AP3S2: variants seen among roughly 807,000 people sequenced by gnomAD.
AP3S2 encodes the protein adaptor related protein complex 3 subunit sigma 2, also known as AP-3 complex subunit sigma-2.
In AP3S2, 22 loss-of-function variants were observed where a neutral mutation model predicts 23.4. The ratio of observed to expected loss-of-function variants is 0.94; its 90% CI spans 0.67 to 1.34. The LOEUF is 1.34. Ranked by LOEUF, AP3S2 falls within the 40% of genes most tolerant of loss-of-function variation. The probability of loss-of-function intolerance (pLI) is 0.00; values close to 1 mark genes in which losing one functional copy is unlikely to be tolerated. For missense variants in AP3S2, 241 were observed against 236.9 expected, an observed-to-expected ratio of 1.02 and a Z score of -0.11; for synonymous variants, 86 against 87.1, an observed-to-expected ratio of 0.99 and a Z score of 0.07.
intron 3 of AP3S2, among the ~76,000 whole-genome samples, chr15:89,885,495 C>G (rs1325591317): frequency 6.6e-6 from 1 of 152,104 alleles, no homozygotes; most frequent in Non-Finnish European, 1.5e-5. Flanking sequence ...GTGCCACTGC[C>G]CCAGGCCAGA....
In AP3S2 at chr15:89,832,584, G is replaced by A. The variant is rs967228130; in HGVS notation, c.*2931C>T. 2 of 150,296 alleles carry A rather than the reference G, an allele frequency of 1.3e-5. No homozygotes were observed. Among genetic ancestry groups the A allele is most frequent in the African/African-American group, 4.9e-5 (2 of 40,686 alleles). The allele number at this position is 150,296 out of a possible 1,614,324, so 9.3% of individuals were successfully genotyped here. ...GCTCACTGCAAGCTCTGCCTCCCGG[G>A]TTCATGCCATTCTCCTGCCGCAGCC... is the stretch of plus-strand genomic sequence containing the variant. On this transcript the variant is annotated 3_prime_UTR_variant, in exon 6 of 6. Transcript: ENST00000336418.
intron 4 of AP3S2, among the ~76,000 whole-genome samples, chr15:89,861,271 T>C (rs1163398956): frequency 6.6e-6 from 1 of 152,184 alleles, no homozygotes; most frequent in South Asian, 2.1e-4. Flanking sequence ...TATGTTTCAA[T>C]TCTCTTGAGA....
chr15:89,837,821 T>C, intron 4 of AP3S2, 99 bp from the exon 5 acceptor site: 2 of 1,373,382 alleles, frequency 1.5e-6, no homozygotes, highest in Non-Finnish European at 2.0e-6. Context: ...TGGTCAGATA[T>C]GACCTGTCCT....
chr15:89,893,476 C>A, intron 1 of AP3S2: 1 of 383,956 alleles, frequency 2.6e-6, no homozygotes, highest in Non-Finnish European at 4.6e-6. Flanking sequence ...CCAGTTCTGG[C>A]TATAACAAAA....
At chr15:89,888,904 T>G (rs967887670) in intron 2 of AP3S2, 145 bp downstream of exon 2, 27 of 919,868 alleles carry the variant, frequency 2.9e-5, no homozygotes, top group Non-Finnish European at 3.3e-6. Flanking sequence ...CAAAGAGAAT[T>G]GTGTCTCTCC....
At chr15:89,851,041 T>C (rs991969480) in intron 4 of AP3S2, among the ~76,000 whole-genome samples, 1 of 152,154 alleles carries the variant, frequency 6.6e-6, no homozygotes, top group Non-Finnish European at 1.5e-5. Flanking sequence ...ACAATGTCTA[T>C]TTTCAAATAT....
intron 3 of AP3S2, among the ~76,000 whole-genome samples, chr15:89,874,611 C>CA (rs1166482467): frequency 6.6e-6 from 1 of 151,770 alleles, no homozygotes; most frequent in East Asian, 1.9e-4. Context: ...ATCGTCTCCA[C>CA]AAAAAAATAA....
At chr15:89,848,809 G>T (rs1033415335) in intron 4 of AP3S2, 1 of 152,176 alleles carries the variant, frequency 6.6e-6, no homozygotes, top group African/African-American at 2.4e-5. Flanking sequence ...ACTCAGCACT[G>T]ACGGGAAGAG....
chr15:89,859,483 T>G (rs949117527), intron 4 of AP3S2, among the ~76,000 whole-genome samples: 9 of 146,018 alleles, frequency 6.2e-5, no homozygotes, highest in African/African-American at 2.0e-4. Flanking sequence ...AACCTACACT[T>G]CCCAGGTTCA....
intron 4 of AP3S2, among the ~76,000 whole-genome samples, chr15:89,849,675 G>A (rs898853463): frequency 2.6e-5 from 4 of 151,878 alleles, no homozygotes; most frequent in African/African-American, 9.7e-5. Flanking sequence ...CCTATGAATT[G>A]TACTTTTTTA....
chr15:89,885,867 G>A (rs1409406538), intron 3 of AP3S2, among the ~76,000 whole-genome samples: 1 of 150,940 alleles, frequency 6.6e-6, no homozygotes, highest in Non-Finnish European at 1.5e-5. Flanking sequence ...GTTGAGCCTG[G>A]GAGATGGAGG....
chr15:89,854,303 A>C (rs1895749057), intron 4 of AP3S2, among the ~76,000 whole-genome samples: 1 of 19,496 alleles, frequency 5.1e-5, no homozygotes, highest in Non-Finnish European at 1.0e-4. Context: ...TGGGGGGGTC[A>C]GCCCCCCCAC....
chr15:89,871,020 C>A (rs1276077003), intron 4 of AP3S2, among the ~76,000 whole-genome samples: 2 of 152,204 alleles, frequency 1.3e-5, no homozygotes, highest in Admixed American at 1.3e-4. Context: ...CCTTGAATTA[C>A]ATTACAGATC....
intron 1 of AP3S2, among the ~76,000 whole-genome samples, chr15:89,892,432 G>A (rs1294550517): frequency 6.6e-6 from 1 of 152,168 alleles, no homozygotes; most frequent in Non-Finnish European, 1.5e-5. Flanking sequence ...AGCACTTTGG[G>A]AGGCTGAGTC....
chr15:89,850,363 G>A (rs1470720178), intron 4 of AP3S2, among the ~76,000 whole-genome samples: 1 of 152,192 alleles, frequency 6.6e-6, no homozygotes, highest in Non-Finnish European at 1.5e-5. Flanking sequence ...TGAATCCAGT[G>A]GAGCCTTGTC....
rs367701458 is a variant in AP3S2, at chr15:89,849,923, T to C, written c.346-12201A>G. ...ACTGCCATTTATGAGTGAAAACATG[T>C]CGTGTTTGGTTTTCTGTTCTTGTGT... On this transcript the variant is annotated intron_variant, in intron 4 of 5. Coordinates refer to ENST00000336418, the MANE Select transcript of AP3S2 (RefSeq NM_005829.5). Among the ~76,000 whole-genome samples, 29 of 152,178 alleles carry C rather than the reference T, an allele frequency of 1.9e-4. 1 individual carries two copies. The South Asian group carries it at 4.4e-3, about 23-fold the overall frequency.
chr15:89,873,808 CTTATT>C (rs1046345725), intron 3 of AP3S2, among the ~76,000 whole-genome samples: 4 of 142,532 alleles, frequency 2.8e-5, no homozygotes, highest in Middle Eastern at 3.8e-3. Flanking sequence ...ATAAATGGGT[CTTATT>C]TTATTTCTAA....
intron 4 of AP3S2, among the ~76,000 whole-genome samples, chr15:89,858,103 C>G (rs551662278): frequency 5.9e-5 from 9 of 151,960 alleles, no homozygotes; most frequent in Non-Finnish European, 1.3e-4. Context: ...TTGATTGATA[C>G]AAAAATCAAG....
intron 4 of AP3S2, among the ~76,000 whole-genome samples, chr15:89,869,397 A>T (rs539820972): frequency 5.5e-4 from 81 of 148,456 alleles, no homozygotes; most frequent in Admixed American, 3.7e-3. Context: ...GTCATCACCA[A>T]TCCCTAATCT....
Sources: gnomAD v4.1 joint callset for allele counts (sites outside exome capture counted in the v4.1 genomes callset) on GRCh38, gnomAD v4.1.1 for gene constraint, MANE v1.5 for transcripts, NCBI Gene and HGNC (gene_info 2026-07-23, HGNC 2026-07-21) for gene names.